FAF1: variants seen among roughly 807,000 people sequenced by gnomAD.
FAF1 encodes the protein Fas associated factor 1.
A neutral mutation model predicts 92.5 loss-of-function variants in FAF1; 25 were observed. That is an observed-to-expected ratio of 0.27 (90% CI 0.20 to 0.38). The LOEUF is 0.38. FAF1 is among the 10% of genes least tolerant of loss of function. FAF1 has a pLI of 1.00. For missense variants in FAF1, 636 were observed against 793.3 expected (o/e 0.80, Z 2.38); for synonymous variants, 234 against 273.2 (o/e 0.86, Z 1.42).
Position 50,722,914 on chromosome 1 carries a change from T to C in FAF1, c.551+15949A>G, listed in dbSNP as rs544145125. 9.8e-5 allele frequency among the ~76,000 whole-genome samples: 15 copies of C among 152,304 alleles called. No homozygotes were observed. The South Asian group carries it at 2.9e-3, about 29-fold the overall frequency. On this transcript the variant is annotated intron_variant, in intron 6 of 18. Transcript: ENST00000396153. ...TCTCCTAGTCAAAAATAGGACTGAA[T>C]TGGCTGATTGATTTAGCTCCTTCCA...
chr1:50,902,866 G>C (rs987876856), intron 1 of FAF1, among the ~76,000 whole-genome samples: 4 of 152,034 alleles, frequency 2.6e-5, no homozygotes, highest in Non-Finnish European at 5.9e-5. Context: ...GTGGTTGGTT[G>C]AATCTGGAAA....
chr1:50,717,055 A>T (rs1029942370), intron 6 of FAF1, among the ~76,000 whole-genome samples: 1 of 151,740 alleles, frequency 6.6e-6, no homozygotes, highest in African/African-American at 2.4e-5. Flanking sequence ...GAAGGAACAA[A>T]CTCTGGACAC....
chr1:50,866,012 A>G (rs1338898578), intron 1 of FAF1, among the ~76,000 whole-genome samples: 1 of 152,110 alleles, frequency 6.6e-6, no homozygotes. Context: ...TGATCAAGTG[A>G]GTTTGATACC....
chr1:50,651,168 AG>A (rs1416691960), intron 8 of FAF1, among the ~76,000 whole-genome samples: 1 of 152,210 alleles, frequency 6.6e-6, no homozygotes, highest in Admixed American at 6.5e-5. Context: ...GGTGAGTCAA[AG>A]GTTAATGAGA....
chr1:50,873,696 G>A (rs1644547061), intron 1 of FAF1, among the ~76,000 whole-genome samples: 1 of 152,188 alleles, frequency 6.6e-6, no homozygotes, highest in Admixed American at 6.5e-5. Flanking sequence ...TAATTTGCAT[G>A]TAATTAAAAG....
intron 4 of FAF1, among the ~76,000 whole-genome samples, chr1:50,778,195 G>A (rs528848863): frequency 1.4e-4 from 21 of 152,240 alleles, no homozygotes; most frequent in Middle Eastern, 3.4e-3. Context: ...TCAATTATAC[G>A]AAGGTCAAAA....
chr1:50,634,105 G>C (rs995402633), intron 8 of FAF1, among the ~76,000 whole-genome samples: 1 of 152,162 alleles, frequency 6.6e-6, no homozygotes, highest in African/African-American at 2.4e-5. Flanking sequence ...TGATTTGACT[G>C]TTGATTAAGT....
At chr1:50,669,989 C>T (rs902966379) in intron 7 of FAF1, among the ~76,000 whole-genome samples, 12 of 152,100 alleles carry the variant, frequency 7.9e-5, no homozygotes, top group South Asian at 2.1e-4. Context: ...GGCGTGGTGG[C>T]GCATGCCTGT....
At chr1:50,648,133 C>T (rs1654680237) in intron 8 of FAF1, among the ~76,000 whole-genome samples, 1 of 152,158 alleles carries the variant, frequency 6.6e-6, no homozygotes, top group South Asian at 2.1e-4. Flanking sequence ...GTGGCACACG[C>T]CTGTAATCCC....
intron 6 of FAF1, among the ~76,000 whole-genome samples, chr1:50,738,591 T>G (rs1357997743): frequency 6.6e-6 from 1 of 152,218 alleles, no homozygotes; most frequent in East Asian, 1.9e-4. Context: ...ACTTGGATCC[T>G]TTCCCTTCAG....
intron 8 of FAF1, chr1:50,612,409 G>A (rs1652723579): frequency 8.4e-7 from 1 of 1,188,786 alleles, no homozygotes; most frequent in South Asian, 1.6e-5. Flanking sequence ...TTATTTTAGA[G>A]AGCTACTGTA....
intron 4 of FAF1, among the ~76,000 whole-genome samples, chr1:50,771,485 G>A (rs576363812): frequency 1.8e-4 from 27 of 152,214 alleles, no homozygotes; most frequent in Admixed American, 3.9e-4. Context: ...TTTGAAAGAA[G>A]CCATATATTT....
intron 7 of FAF1, among the ~76,000 whole-genome samples, chr1:50,664,326 T>C (rs1262006114): frequency 6.7e-6 from 1 of 150,088 alleles, no homozygotes; most frequent in African/African-American, 2.5e-5. Context: ...CAAGCTTAAG[T>C]GTGACTGCTT....
rs566461180 is a variant in FAF1 at position 50,886,486 on chromosome 1, G to A, written c.46-28489C>T. ...GTTTGTGTGCTGCACCCACTAACTC[G>A]TCATTTACACTAGCTATATCTCCTA... On this transcript the variant is annotated intron_variant, in intron 1 of 18. Coordinates refer to ENST00000396153, the MANE Select transcript of FAF1 (RefSeq NM_007051.3). Among the ~76,000 whole-genome samples the A allele has an allele frequency of 1.4e-4, 22 of 151,946 alleles. 1 individual carries two copies. The South Asian group carries it at 3.8e-3, about 26-fold the overall frequency.
chr1:50,524,574 A>G (rs1344412159), intron 15 of FAF1, among the ~76,000 whole-genome samples: 1 of 152,150 alleles, frequency 6.6e-6, no homozygotes, highest in East Asian at 1.9e-4. Context: ...TGGTGTAAGG[A>G]AAGAGTCCGG....
intron 1 of FAF1, among the ~76,000 whole-genome samples, chr1:50,901,558 G>GAA (rs200883496): frequency 2.7e-5 from 4 of 146,830 alleles, no homozygotes; most frequent in African/African-American, 1.0e-4. Flanking sequence ...AATTTAAAAA[G>GAA]AAAAAAAAAA....
At chr1:50,521,453 G>A (rs1647495252) in intron 15 of FAF1, among the ~76,000 whole-genome samples, 2 of 152,164 alleles carry the variant, frequency 1.3e-5, no homozygotes, top group Admixed American at 6.5e-5. Context: ...AATGTTTCTA[G>A]GTGCCTGTCA....
rs117928213 is a variant in FAF1 at position 50,944,027 on chromosome 1, T to C, written c.45+15740A>G. Among the ~76,000 whole-genome samples, 15 of 152,346 alleles carry C rather than the reference T, an allele frequency of 9.8e-5. No individual in the cohort carries two copies. The East Asian group carries it at 2.9e-3, about 29-fold the overall frequency. ...CCTTGTTTTTGAAAGGACTGAATGA[T>C]GGCAGTCAGTCCAATCTGTCCCATT... On this transcript the variant is annotated intron_variant, in intron 1 of 18. Coordinates refer to ENST00000396153, the MANE Select transcript of FAF1 (RefSeq NM_007051.3).
At chr1:50,503,704 TAAAA>T (rs1647020803) in intron 15 of FAF1, among the ~76,000 whole-genome samples, 1 of 150,252 alleles carries the variant, frequency 6.7e-6, no homozygotes, top group South Asian at 2.1e-4. Context: ...ATTCAGCAAG[TAAAA>T]GGAATGAATT....
Sources: allele counts gnomAD v4.1 joint callset (sites outside exome capture counted in the v4.1 genomes callset), GRCh38; gene constraint gnomAD v4.1.1; transcripts MANE v1.5; gene names NCBI Gene and HGNC (gene_info 2026-07-23, HGNC 2026-07-21).